Variants in NECTIN2 observed in about 807,000 individuals in gnomAD.
NECTIN2 encodes the protein nectin-2.
In NECTIN2, 23 loss-of-function variants were observed where a neutral mutation model predicts 56.9. The observed-to-expected ratio is 0.40, with a 90% CI of 0.29 to 0.57. The LOEUF (loss-of-function observed/expected upper bound fraction) is 0.57. Ranked by LOEUF, NECTIN2 falls within the 20% of genes least tolerant of loss-of-function variation. The probability of loss-of-function intolerance (pLI) is 0.38; values close to 1 mark genes in which losing one functional copy is unlikely to be tolerated. For synonymous variants in NECTIN2, 302 were observed against 313.8 expected (o/e 0.96, Z 0.40); for missense variants, 587 against 718.3 (o/e 0.82, Z 2.09).
intron 6 of NECTIN2, among the ~76,000 whole-genome samples, chr19:44,884,989 T>G (rs992763486): frequency 2.0e-5 from 3 of 152,162 alleles, no homozygotes; most frequent in Admixed American, 6.6e-5. Flanking sequence ...TTTTCTTTTC[T>G]TTTCTTTTCT....
chr19:44,865,158 C>T lies in NECTIN2; in HGVS notation c.89-113C>T, dbSNP rs1265220852. Reference sequence around the variant, plus strand: ...AATCAGGATGCTGCGAAGCTGCCTACGTTGCATGCGGAGCCTGCATTTCCC... The same window carrying T: ...AATCAGGATGCTGCGAAGCTGCCTATGTTGCATGCGGAGCCTGCATTTCCC... On this transcript the variant is annotated intron_variant, in intron 1 of 8. Transcript: ENST00000252483. The surrounding 1 kb of genome is among the most constrained non-coding windows in gnomAD (Gnocchi z 5.2). 4.5e-5 allele frequency: 53 copies of T among 1,179,524 alleles called. No homozygotes were observed. Among genetic ancestry groups the T allele is most frequent in the Non-Finnish European group, 5.7e-5 (48 of 836,354 alleles). 73.1% of individuals were successfully genotyped at this position (1,179,524 alleles called of 1,614,324 possible).
rs541236378 is a variant in NECTIN2 at position 44,862,887 on chromosome 19, C to T, written c.89-2384C>T. Among the ~76,000 whole-genome samples, 10 of 151,552 alleles carry T rather than the reference C, an allele frequency of 6.6e-5. 1 individual carries two copies. The South Asian group carries it at 1.0e-3, about 16-fold the overall frequency. ...AAAATTGGCCGGGCGCGGTGGCTCACGCCTGTAATCCCAGCACTTTGGGAG... is the reference window on the plus strand; with the variant it reads ...AAAATTGGCCGGGCGCGGTGGCTCATGCCTGTAATCCCAGCACTTTGGGAG... On this transcript the variant is annotated intron_variant, in intron 1 of 8. Transcript: ENST00000252483.
At chr19:44,859,094 C>A (rs1435086582) in intron 1 of NECTIN2, among the ~76,000 whole-genome samples, 1 of 152,190 alleles carries the variant, frequency 6.6e-6, no homozygotes, top group African/African-American at 2.4e-5. Flanking sequence ...CCCTGGGGTT[C>A]CTGTGTGTAT....
At position 44,880,833 on chromosome 19, in the gene NECTIN2, C is replaced by T. The variant is rs1015424637; in HGVS notation, c.1043-1378C>T. On this transcript the variant is annotated intron_variant, in intron 5 of 8. Coordinates refer to ENST00000252483, the MANE Select transcript of NECTIN2 (RefSeq NM_001042724.2). ...TCTTATCCAGGCTGGAGTGCAATGG[C>T]GCGATCTTGGCTCACGGCAACCTCC... 2.0e-5 allele frequency among the ~76,000 whole-genome samples: 3 copies of T among 149,164 alleles called. No homozygotes were observed. The East Asian group carries it at 6.0e-4, about 30-fold the overall frequency.
At chr19:44,867,624 C>T (rs1009059177) in intron 2 of NECTIN2, among the ~76,000 whole-genome samples, 13 of 152,288 alleles carry the variant, frequency 8.5e-5, no homozygotes. Flanking sequence ...TACCTTTGGG[C>T]ATAGCAGAGG....
chr19:44,866,645 C>T (rs1266363086), intron 2 of NECTIN2, among the ~76,000 whole-genome samples: 1 of 151,898 alleles, frequency 6.6e-6, no homozygotes, highest in Non-Finnish European at 1.5e-5. Context: ...TGGCTGGAGA[C>T]ATATGAGTGG....
chr19:44,877,511 C>A (rs1357055720), intron 5 of NECTIN2, among the ~76,000 whole-genome samples: 1 of 152,202 alleles, frequency 6.6e-6, no homozygotes, highest in Non-Finnish European at 1.5e-5. Flanking sequence ...CTGTGAGAAC[C>A]CCATTTTACA....
intron 1 of NECTIN2, 75 bp downstream of exon 1, chr19:44,846,688 C>T: frequency 1.4e-6 from 2 of 1,468,248 alleles, no homozygotes; most frequent in Non-Finnish European, 1.8e-6. Context: ...GGAAGCCGAG[C>T]ACCTTCCCCG....
chr19:44,878,654 C>T lies in NECTIN2; in HGVS notation c.1043-3557C>T, dbSNP rs41258514. The T allele has an allele frequency of 2.2e-4, 347 of 1,555,074 alleles. 2 individuals are homozygous for T. The African/African-American group carries it at 4.1e-3, about 19-fold the overall frequency. On this transcript the variant is annotated intron_variant, in intron 5 of 8. Transcript: ENST00000252483. ...CAGACAGAGACAGAGCCAGGCCCGG[C>T]CCTCCCGCCCCCGACCTGACCACGC...
chr19:44,865,129 T>C lies in NECTIN2; in HGVS notation c.89-142T>C, dbSNP rs1168830546. On this transcript the variant is annotated intron_variant, in intron 1 of 8. Coordinates refer to ENST00000252483, the MANE Select transcript of NECTIN2 (RefSeq NM_001042724.2). This position sits in a 1 kb window ranked among gnomAD's most constrained non-coding sequence, Gnocchi z 5.2. Reference sequence around the variant, plus strand: ...AAAATGTCTTTTCCAGGTGGCTTTTTTGGAATCAGGATGCTGCGAAGCTGC... The same window carrying C: ...AAAATGTCTTTTCCAGGTGGCTTTTCTGGAATCAGGATGCTGCGAAGCTGC... 1.1e-6 allele frequency: 1 copy of C among 879,712 alleles called. No individual in the cohort carries two copies. The highest frequency in any genetic ancestry group is 1.7e-6 in the Non-Finnish European group (1 of 578,892). The allele number at this position is 879,712 out of a possible 1,614,324, so 54.5% of individuals were successfully genotyped here. A position where few individuals can be genotyped will look rare whatever the true frequency, so the allele number is the denominator to read the frequency against.
At position 44,865,731 on chromosome 19, in the gene NECTIN2, G is replaced by A; in HGVS notation, c.478+71G>A. ...TGTGGGAGCATCCCCTTGCGGGTCA[G>A]TTTCTCTCTTGGCTTCAGCTGTGAG... On this transcript the variant is annotated intron_variant, in intron 2 of 8. Coordinates refer to ENST00000252483, the MANE Select transcript of NECTIN2 (RefSeq NM_001042724.2). This position sits in a 1 kb window ranked among gnomAD's most constrained non-coding sequence, Gnocchi z 5.2. 1.4e-6 allele frequency: 2 copies of A among 1,422,142 alleles called. No individual in the cohort carries two copies. Among genetic ancestry groups the A allele is most frequent in the African/African-American group, 2.9e-5 (2 of 69,996 alleles). The allele number at this position is 1,422,142 out of a possible 1,614,324, so 88.1% of individuals were successfully genotyped here.
chr19:44,853,794 A>G (rs1330908192), intron 1 of NECTIN2, among the ~76,000 whole-genome samples: 1 of 152,104 alleles, frequency 6.6e-6, no homozygotes, highest in Non-Finnish European at 1.5e-5. Context: ...GGGATTTTAG[A>G]ACCTCATTCA....
Position 44,874,402 on chromosome 19 carries a change from G to C in NECTIN2, c.966G>C (p.Leu322=). Residue 322 remains leucine (L), a synonymous_variant, in exon 5 of 9, where the codon CTG becomes CTC. Transcript: ENST00000252483. This position sits in a 1 kb window ranked among gnomAD's most constrained non-coding sequence, Gnocchi z 6.3. The stretch of plus-strand genomic sequence containing the variant: ...TGGTCATCCACGCAGTGGACAGTCT[G>C]TTCAATACCACCTTCGTCTGCACAG... The part of the protein sequence containing the change: ...SQLVIHAVDS[L]FNTTFVCTVT... The C allele has an allele frequency of 6.2e-7, 1 of 1,614,142 alleles. No individual in the cohort carries two copies. The highest frequency in any genetic ancestry group is 1.3e-5 in the African/African-American group (1 of 75,036).
At chr19:44,862,992 CAAAAAAAAAAAAA>C (rs57740346) in intron 1 of NECTIN2, among the ~76,000 whole-genome samples, 14 of 123,112 alleles carry the variant, frequency 1.1e-4, no homozygotes, top group Non-Finnish European at 2.1e-4. Flanking sequence ...ACTAAAAATA[CAAAAAAAAAAAAA>C]AAAAAAATTA....
At chr19:44,858,626 TTTTC>T (rs1234096048) in intron 1 of NECTIN2, among the ~76,000 whole-genome samples, 1 of 147,070 alleles carries the variant, frequency 6.8e-6, no homozygotes, top group African/African-American at 2.5e-5. Context: ...ACCCAGCCTT[TTTTC>T]TTTCTTTCTT....
intron 6 of NECTIN2, 32 bp downstream of exon 6, chr19:44,882,396 G>A: frequency 7.3e-7 from 1 of 1,363,000 alleles, no homozygotes; most frequent in Non-Finnish European, 9.6e-7. Flanking sequence ...GGGGATGGGA[G>A]AGGGGTCGAA....
intron 1 of NECTIN2, among the ~76,000 whole-genome samples, chr19:44,852,552 T>C (rs552090077): frequency 1.4e-5 from 2 of 148,122 alleles, no homozygotes; most frequent in South Asian, 2.1e-4. Flanking sequence ...CAGAAAAGAC[T>C]TGGGCTTGTT....
intron 2 of NECTIN2, among the ~76,000 whole-genome samples, chr19:44,869,592 CAAAA>C (rs774822564): frequency 1.9e-5 from 1 of 53,770 alleles, no homozygotes; most frequent in Non-Finnish European, 3.4e-5. Context: ...GACTCCATCT[CAAAA>C]AAAAAAAAAA....
At chr19:44,853,084 C>T (rs1968919827) in intron 1 of NECTIN2, among the ~76,000 whole-genome samples, 1 of 150,624 alleles carries the variant, frequency 6.6e-6, no homozygotes, top group Non-Finnish European at 1.5e-5. Flanking sequence ...CCACCCTGAG[C>T]AACGGAGTGA....
Sources: gnomAD v4.1 joint callset for allele counts (sites outside exome capture counted in the v4.1 genomes callset) on GRCh38, gnomAD v4.1.1 for gene constraint, Gnocchi (gnomAD v3.1) non-coding constraint, MANE v1.5 for transcripts, NCBI Gene and HGNC (gene_info 2026-07-23, HGNC 2026-07-21) for gene names.